SEMA5A: variants seen among roughly 807,000 people sequenced by gnomAD.
The protein encoded by SEMA5A is semaphorin-5A.
SEMA5A carries 55 observed loss-of-function variants against 135.5 expected under a neutral mutation model. That is an observed-to-expected ratio of 0.41 (90% CI 0.33 to 0.51). The LOEUF (loss-of-function observed/expected upper bound fraction) is 0.51, where lower values mean the gene tolerates loss of function less well. Ranked by LOEUF, SEMA5A falls within the 20% of genes least tolerant of loss-of-function variation. The pLI is 0.37. For missense variants in SEMA5A, 1,290 were observed against 1,419.9 expected (o/e 0.91, Z 1.47); for synonymous variants, 580 against 546.5 (o/e 1.06, Z -0.85).
chr5:9,224,728 G>A lies in SEMA5A; in HGVS notation c.592C>T (p.Leu198=). The change falls in exon 8 of 23, where the codon CTA becomes TTA. Residue 198 remains leucine, a synonymous_variant. Coordinates refer to ENST00000382496, the MANE Select transcript of SEMA5A (RefSeq NM_003966.3). ...PGRDPAIYRS[L]GILPPLRTAQ... ...GTGCGGAGAGGAGGTAAAATGCCTA[G>A]GCTTCGGTAAATGGCAGGATCACGT... The A allele has an allele frequency of 6.2e-7, 1 of 1,614,180 alleles. No individual in the cohort carries two copies. Among genetic ancestry groups the A allele is most frequent in the Non-Finnish European group, 8.5e-7 (1 of 1,180,036 alleles).
chr5:9,203,820 TA>T (rs963897877), intron 8 of SEMA5A, among the ~76,000 whole-genome samples: 4 of 151,802 alleles, frequency 2.6e-5, no homozygotes, highest in Admixed American at 6.6e-5. Flanking sequence ...AATGACTGTT[TA>T]AAAAAAAACT....
At chr5:9,513,484 A>G (rs1736331859) in intron 1 of SEMA5A, among the ~76,000 whole-genome samples, 1 of 152,216 alleles carries the variant, frequency 6.6e-6, no homozygotes. Flanking sequence ...CACTTGGAAC[A>G]CATGTTTGTG....
chr5:9,319,134 G>A (rs1294614681), intron 4 of SEMA5A, among the ~76,000 whole-genome samples: 1 of 152,204 alleles, frequency 6.6e-6, no homozygotes, highest in Non-Finnish European at 1.5e-5. Context: ...GTCCTGGGAG[G>A]TGGAGGTTGC....
At chr5:9,393,847 C>T (rs1258429149) in intron 2 of SEMA5A, among the ~76,000 whole-genome samples, 1 of 152,098 alleles carries the variant, frequency 6.6e-6, no homozygotes, top group African/African-American at 2.4e-5. Flanking sequence ...CTCATAGCAG[C>T]ATTGTTCATA....
chr5:9,281,378 C>G (rs757672980), intron 5 of SEMA5A, among the ~76,000 whole-genome samples: 3 of 152,156 alleles, frequency 2.0e-5, no homozygotes, highest in Non-Finnish European at 2.9e-5. Flanking sequence ...ATAGTTTTGC[C>G]CCCCCAGGGG....
intron 2 of SEMA5A, among the ~76,000 whole-genome samples, chr5:9,413,391 AAAGTTT>A (rs1757171780): frequency 6.6e-6 from 1 of 152,204 alleles, no homozygotes. Flanking sequence ...AAAGATTTTG[AAAGTTT>A]AGGCAAAGAG....
chr5:9,377,813 GTC>G, intron 3 of SEMA5A, among the ~76,000 whole-genome samples: 1 of 152,158 alleles, frequency 6.6e-6, no homozygotes, highest in Non-Finnish European at 1.5e-5. Context: ...TGTTAGCACT[GTC>G]CACTGAGAAG....
intron 1 of SEMA5A, chr5:9,511,231 C>T (rs148974026): frequency 1.3e-5 from 2 of 152,132 alleles, no homozygotes; most frequent in African/African-American, 4.8e-5. Context: ...TACAGCTTGT[C>T]AAATGCACAT....
intron 2 of SEMA5A, among the ~76,000 whole-genome samples, chr5:9,386,036 G>A (rs879860734): frequency 2.0e-5 from 3 of 151,976 alleles, no homozygotes; most frequent in Non-Finnish European, 4.4e-5. Context: ...TCATGACCTC[G>A]TGATCTGCCC....
chr5:9,085,687 G>A (rs552939953), intron 16 of SEMA5A, among the ~76,000 whole-genome samples: 1 of 152,356 alleles, frequency 6.6e-6, no homozygotes, highest in East Asian at 1.9e-4. Flanking sequence ...GGGCAGTTCA[G>A]AAGGGAAATG....
chr5:9,473,674 G>C (rs1319336293), intron 1 of SEMA5A, among the ~76,000 whole-genome samples: 1 of 152,052 alleles, frequency 6.6e-6, no homozygotes, highest in African/African-American at 2.4e-5. Context: ...AAAGAAACAG[G>C]CTCAGGGATA....
intron 11 of SEMA5A, among the ~76,000 whole-genome samples, chr5:9,187,910 C>A (rs537739605): frequency 6.6e-6 from 1 of 152,266 alleles, no homozygotes; most frequent in African/African-American, 2.4e-5. Context: ...GAGCAGCAGT[C>A]CAATCATGCT....
intron 8 of SEMA5A, among the ~76,000 whole-genome samples, chr5:9,205,930 A>G (rs1745989959): frequency 6.6e-6 from 1 of 152,224 alleles, no homozygotes; most frequent in South Asian, 2.1e-4. Flanking sequence ...AAGACAATGA[A>G]AAAGTGGGAA....
Position 9,042,515 on chromosome 5 carries a change from T to TGGTC in SEMA5A, c.*381_*382insGACC. On this transcript the variant is annotated 3_prime_UTR_variant, in exon 23 of 23. Coordinates refer to ENST00000382496, the MANE Select transcript of SEMA5A (RefSeq NM_003966.3). ...GAAGGAGCAGGTCTTTCAGAGAAAG[T>TGGTC]GCCTATTTTCTTGAATTACAACATC... is the stretch of plus-strand genomic sequence containing the variant. 3.9e-5 allele frequency: 9 copies of TGGTC among 232,258 alleles called. No homozygotes were observed. The highest frequency in any genetic ancestry group is 1.2e-4 in the South Asian group (2 of 16,396). The allele number at this position is 232,258 out of a possible 1,614,324, so 14.4% of individuals were successfully genotyped here.
At chr5:9,241,551 T>G (rs1323555181) in intron 5 of SEMA5A, among the ~76,000 whole-genome samples, 1 of 79,952 alleles carries the variant, frequency 1.3e-5, no homozygotes, top group Non-Finnish European at 2.4e-5. Flanking sequence ...GTGACAAACA[T>G]ACAAAGAGAG....
At chr5:9,105,331 A>G (rs1303627502) in intron 16 of SEMA5A, among the ~76,000 whole-genome samples, 2 of 152,238 alleles carry the variant, frequency 1.3e-5, no homozygotes, top group East Asian at 3.8e-4. Flanking sequence ...AAATCCTTTC[A>G]TGAAATTTCA....
At chr5:9,501,804 A>G (rs533381697) in intron 1 of SEMA5A, among the ~76,000 whole-genome samples, 5 of 152,242 alleles carry the variant, frequency 3.3e-5, no homozygotes, top group Non-Finnish European at 7.3e-5. Flanking sequence ...TTACATGACA[A>G]AAACACAGGT....
At position 9,044,513 on chromosome 5, in the gene SEMA5A, C is replaced by T. The variant is rs376502162; in HGVS notation, c.2965G>A (p.Val989Ile). 102 of 1,613,954 alleles carry T rather than the reference C, an allele frequency of 6.3e-5. No homozygotes were observed. Among genetic ancestry groups the T allele is most frequent in the Non-Finnish European group, 7.3e-5 (86 of 1,180,008 alleles). Residue 989 changes from valine to isoleucine, a missense_variant, in exon 22 of 23, where the codon GTC (valine) becomes ATC (isoleucine). Physicochemically the swap from Val to Ile is conservative, Grantham distance 29. Transcript: ENST00000382496. ...TGGTACCGCTGGCAGTAAGTATAGA[C>T]GAGCAGGGTGAGGAGGCAGCCGAGG... Reference protein sequence around the residue: ...SILGCLLTLLVYTYCQRYQQQ... With the variant: ...SILGCLLTLLIYTYCQRYQQQ...
At chr5:9,265,846 G>A (rs1478201596) in intron 5 of SEMA5A, among the ~76,000 whole-genome samples, 1 of 152,134 alleles carries the variant, frequency 6.6e-6, no homozygotes, top group Non-Finnish European at 1.5e-5. Context: ...GAATGTTAAG[G>A]GCTCAGCAGG....
Sources: gnomAD v4.1 joint callset for allele counts (sites outside exome capture counted in the v4.1 genomes callset) on GRCh38, gnomAD v4.1.1 for gene constraint, MANE v1.5 for transcripts, NCBI Gene and HGNC (gene_info 2026-07-23, HGNC 2026-07-21) for gene names.